The following AGMO variants were observed in gnomAD, a reference collection of about 807,000 sequenced individuals.
AGMO encodes glyceryl-ether monooxygenase.
A neutral mutation model predicts 60.2 loss-of-function variants in AGMO; 75 were observed. The ratio of observed to expected loss-of-function variants is 1.25; its 90% CI spans 1.03 to 1.51. AGMO has a LOEUF of 1.51. AGMO is among the 40% of genes most tolerant of loss of function. The pLI, the probability that AGMO is intolerant of heterozygous loss-of-function variation, is 0.00. For synonymous variants in AGMO, 261 were observed against 177.1 expected (o/e 1.47, Z -3.76); for missense variants, 763 against 525.5 (o/e 1.45, Z -4.42).
At chr7:15,415,964 TC>T (rs1393555838) in intron 5 of AGMO, among the ~76,000 whole-genome samples, 4 of 151,580 alleles carry the variant, frequency 2.6e-5, no homozygotes, top group African/African-American at 9.7e-5. Context: ...GCCAAATGTT[TC>T]ATAACTTTCA....
intron 3 of AGMO, among the ~76,000 whole-genome samples, chr7:15,439,137 A>T (rs1781481602): frequency 6.6e-6 from 1 of 152,264 alleles, no homozygotes; most frequent in Non-Finnish European, 1.5e-5. Flanking sequence ...AGTGGCTCAC[A>T]CCTGTCATCC....
chr7:15,295,283 GTATC>G (rs2128523664), intron 12 of AGMO, among the ~76,000 whole-genome samples: 1 of 152,020 alleles, frequency 6.6e-6, no homozygotes, highest in African/African-American at 2.4e-5. Flanking sequence ...AAAGAGAAAT[GTATC>G]TATTTATTTC....
chr7:15,349,856 G>A (rs1176653128), intron 12 of AGMO, among the ~76,000 whole-genome samples: 1 of 152,044 alleles, frequency 6.6e-6, no homozygotes, highest in Non-Finnish European at 1.5e-5. Flanking sequence ...GAACAAGATG[G>A]GAGTAACCTC....
intron 3 of AGMO, among the ~76,000 whole-genome samples, chr7:15,444,317 G>T (rs955026555): frequency 2.6e-5 from 4 of 151,762 alleles, no homozygotes; most frequent in African/African-American, 9.7e-5. Context: ...CCTAATTTCA[G>T]TTATATCCAA....
intron 10 of AGMO, among the ~76,000 whole-genome samples, chr7:15,375,240 G>GCACTTT (rs1474476642): frequency 2.6e-5 from 4 of 151,950 alleles, no homozygotes; most frequent in Admixed American, 1.3e-4. Flanking sequence ...AAATTTCCTT[G>GCACTTT]CACTTTTAAT....
chr7:15,361,294 C>A (rs1437053066), intron 12 of AGMO, among the ~76,000 whole-genome samples: 4 of 151,048 alleles, frequency 2.6e-5, no homozygotes, highest in African/African-American at 9.7e-5. Flanking sequence ...AAAAAAAGAT[C>A]TTTGGGAGGC....
chr7:15,498,111 A>G (rs1029263917), intron 3 of AGMO, among the ~76,000 whole-genome samples: 8 of 152,058 alleles, frequency 5.3e-5, no homozygotes, highest in African/African-American at 1.9e-4. Context: ...ATAACTTACA[A>G]TAAGGCTACC....
Position 15,418,656 on chromosome 7 carries a change from G to A in AGMO, c.514-3C>T. ...AGGGCCAGGGGAGAGTAGAAAATCT[G>A]AAAGAAAAAATTAAAAAAAAATTAA... On this transcript the variant is annotated splice_polypyrimidine_tract_variant and splice_region_variant and intron_variant, in intron 4 of 12. Coordinates refer to ENST00000342526, the MANE Select transcript of AGMO (RefSeq NM_001004320.2). 1 of 1,532,928 alleles carries A rather than the reference G, an allele frequency of 6.5e-7. No individual in the cohort carries two copies. Among genetic ancestry groups the A allele is most frequent in the Middle Eastern group, 2.0e-4 (1 of 5,072 alleles). 95.0% of individuals were successfully genotyped at this position (1,532,928 alleles called of 1,614,324 possible). A position where few individuals can be genotyped will look rare whatever the true frequency, so the allele number is the denominator to read the frequency against.
chr7:15,443,873 T>C (rs10277490), intron 3 of AGMO, among the ~76,000 whole-genome samples: 67,051 of 152,076 alleles, frequency 0.44, 15,321 homozygotes, highest in Non-Finnish European at 0.52. Flanking sequence ...AGCATTTTCA[T>C]GGTCCCCTCT....
At chr7:15,406,559 TACACACACAC>T (rs201255638) in intron 5 of AGMO, among the ~76,000 whole-genome samples, 1 of 65,958 alleles carries the variant, frequency 1.5e-5, no homozygotes, top group Non-Finnish European at 2.8e-5. Context: ...TTGTTTGGAA[TACACACACAC>T]ACACACACAC....
At chr7:15,118,871 TC>T in the AGMO span, among the ~76,000 whole-genome samples, 1 of 142,904 alleles carries the variant, frequency 7.0e-6, no homozygotes, top group Non-Finnish European at 1.5e-5. Flanking sequence ...TTCCCAGACG[TC>T]AGTATTTTTT....
intron 3 of AGMO, among the ~76,000 whole-genome samples, chr7:15,510,879 A>G (rs115469548): frequency 0.014 from 1,991 of 147,346 alleles, 41 homozygotes; most frequent in African/African-American, 0.047. Flanking sequence ...TGTTATAAAT[A>G]TAACATATAA....
intron 3 of AGMO, among the ~76,000 whole-genome samples, chr7:15,443,670 A>T (rs1186558851): frequency 1.3e-5 from 2 of 152,172 alleles, no homozygotes; most frequent in Admixed American, 6.5e-5. Context: ...GCATCAGCAA[A>T]CTGTCACCAT....
chr7:15,545,022 A>G, intron 2 of AGMO, 99 bp from the exon 3 acceptor site: 1 of 840,244 alleles, frequency 1.2e-6, no homozygotes, highest in South Asian at 3.8e-5. Flanking sequence ...ATCTTCATAT[A>G]AAAAAATGAA....
At chr7:15,193,015 G>T in the AGMO span, among the ~76,000 whole-genome samples, 1 of 152,120 alleles carries the variant, frequency 6.6e-6, no homozygotes, top group Non-Finnish European at 1.5e-5. Flanking sequence ...TTAATAGCAT[G>T]CCAGTGGCAT....
intron 3 of AGMO, among the ~76,000 whole-genome samples, chr7:15,523,225 C>G (rs191275411): frequency 6.6e-6 from 1 of 152,200 alleles, no homozygotes; most frequent in Non-Finnish European, 1.5e-5. Context: ...TGCTTTTACA[C>G]TGTTGGTGGG....
chr7:15,423,142 C>A (rs1780969780), intron 4 of AGMO, among the ~76,000 whole-genome samples: 1 of 152,124 alleles, frequency 6.6e-6, no homozygotes, highest in African/African-American at 2.4e-5. Flanking sequence ...TACTAATGTA[C>A]ATATTTCTAG....
intron 5 of AGMO, among the ~76,000 whole-genome samples, chr7:15,411,552 T>C (rs1402076655): frequency 6.6e-6 from 1 of 151,964 alleles, no homozygotes; most frequent in East Asian, 1.9e-4. Context: ...TAATTGTGTA[T>C]TTACAATATT....
chr7:15,322,501 T>C (rs1254080141), intron 12 of AGMO, among the ~76,000 whole-genome samples: 3 of 83,766 alleles, frequency 3.6e-5, no homozygotes, highest in African/African-American at 1.4e-4. Context: ...TATATAAATA[T>C]ATAAATATAT....
Sources: allele counts gnomAD v4.1 joint callset (sites outside exome capture counted in the v4.1 genomes callset), GRCh38; gene constraint gnomAD v4.1.1; transcripts MANE v1.5; gene names NCBI Gene and HGNC (gene_info 2026-07-23, HGNC 2026-07-21).